The following PDZD2 variants were observed in gnomAD, a reference collection of about 807,000 sequenced individuals.
PDZD2 encodes PDZ domain-containing protein 2.
Under a neutral mutation model 220.7 loss-of-function variants are expected in PDZD2, and 90 were observed. The ratio of observed to expected loss-of-function variants is 0.41; its 90% CI spans 0.34 to 0.49. The LOEUF (loss-of-function observed/expected upper bound fraction) is 0.49, where lower values mean the gene tolerates loss of function less well. Ranked by LOEUF, PDZD2 falls within the 20% of genes least tolerant of loss-of-function variation. The pLI is 0.28. For synonymous variants in PDZD2, 1,375 were observed against 1,450.5 expected, an observed-to-expected ratio of 0.95 and a Z score of 1.18; for missense variants, 3,174 against 3,608.5, an observed-to-expected ratio of 0.88 and a Z score of 3.08.
intron 14 of PDZD2, among the ~76,000 whole-genome samples, chr5:32,063,037 T>TATTATC (rs1263594391): frequency 1.3e-5 from 2 of 148,258 alleles, no homozygotes; most frequent in Non-Finnish European, 3.0e-5. Context: ...ATATTATTAT[T>TATTATC]ATTATTATTA....
At chr5:31,996,264 A>C (rs563167551) in intron 4 of PDZD2, among the ~76,000 whole-genome samples, 1 of 152,282 alleles carries the variant, frequency 6.6e-6, no homozygotes, top group Admixed American at 6.5e-5. Flanking sequence ...TTGCGATCTG[A>C]AAACAATTCA....
intron 2 of PDZD2, among the ~76,000 whole-genome samples, chr5:31,854,249 C>T (rs1353754992): frequency 6.6e-6 from 1 of 152,222 alleles, no homozygotes; most frequent in African/African-American, 2.4e-5. Context: ...GTCGGGCTTC[C>T]TCATCAGTTT....
At chr5:31,881,352 G>GTGTGTGTGTGTGTGTA (rs1739892715) in intron 2 of PDZD2, among the ~76,000 whole-genome samples, 1 of 139,568 alleles carries the variant, frequency 7.2e-6, no homozygotes, top group Non-Finnish European at 1.5e-5. Flanking sequence ...GTGTGTGTGT[G>GTGTGTGTGTGTGTGTA]TGTGTGTGTG....
In PDZD2 at chr5:32,090,569, C is replaced by T; in HGVS notation, c.7121C>T (p.Ser2374Phe). 4 of 1,613,986 alleles carry T rather than the reference C, an allele frequency of 2.5e-6. No individual in the cohort carries two copies. The highest frequency in any genetic ancestry group is 3.4e-6 in the Non-Finnish European group (4 of 1,179,986). ...AAGCCTCCCATTGGGAGGCGGTCTT[C>T]CGGCAGCATTGTTTCCGGGAGCCTG... is the stretch of plus-strand genomic sequence containing the variant. ...SSKPPIGRRS[S>F]GSIVSGSLGH... The change falls in exon 20 of 25, where the codon TCC becomes TTC. Residue 2374 changes from serine to phenylalanine, a missense_variant. Ser to Phe is a radical substitution (Grantham distance 155). This residue lies in a region of PDZD2 where 631 missense variants were observed against 789.9 expected (regional missense o/e 0.80). Coordinates refer to ENST00000438447, the MANE Select transcript of PDZD2 (RefSeq NM_178140.4). The surrounding 1 kb of genome is among the most constrained non-coding windows in gnomAD (Gnocchi z 4.3).
chr5:32,079,825 A>G (rs1302623001), intron 19 of PDZD2, among the ~76,000 whole-genome samples: 3 of 152,024 alleles, frequency 2.0e-5, no homozygotes, highest in Admixed American at 1.3e-4. Flanking sequence ...AAAAAAAAGA[A>G]AAAAGTGAAA....
At chr5:31,983,893 A>G (rs1750506818) in intron 3 of PDZD2, among the ~76,000 whole-genome samples, 1 of 152,236 alleles carries the variant, frequency 6.6e-6, no homozygotes, top group South Asian at 2.1e-4. Context: ...AGCTCCAGTC[A>G]TTTTATCCTA....
intron 1 of PDZD2, among the ~76,000 whole-genome samples, chr5:31,763,645 A>G (rs1751791462): frequency 6.6e-6 from 1 of 151,930 alleles, no homozygotes; most frequent in South Asian, 2.1e-4. Context: ...GTAGCCCCAG[A>G]CCCTCTTTCC....
rs1177573434 is a variant in PDZD2, at chr5:31,684,243, A to G, written c.-361+44806A>G. Among the ~76,000 whole-genome samples the G allele has an allele frequency of 8.7e-4, 133 of 152,212 alleles. 1 individual carries two copies. The highest frequency in any genetic ancestry group is 2.9e-5 in the Non-Finnish European group (2 of 68,046). On this transcript the variant is annotated intron_variant, in intron 1 of 24. Transcript: ENST00000438447. ...GTCTCAAGTGATGGATGGATATGAC[A>G]GTAGAGTCCTTGATTTACTGTCCCA...
At chr5:32,055,768 C>A (rs1029448432) in intron 10 of PDZD2, among the ~76,000 whole-genome samples, 3 of 152,142 alleles carry the variant, frequency 2.0e-5, no homozygotes, top group African/African-American at 7.2e-5. Context: ...CATGACCAGG[C>A]TTCATTCTCC....
At chr5:31,834,504 G>T (rs1756825570) in intron 2 of PDZD2, among the ~76,000 whole-genome samples, 2 of 152,288 alleles carry the variant, frequency 1.3e-5, no homozygotes, top group East Asian at 1.9e-4. Flanking sequence ...AGAAGATAGA[G>T]AAAAGGATCT....
chr5:31,892,791 G>T (rs895315176), intron 2 of PDZD2, among the ~76,000 whole-genome samples: 1 of 134,986 alleles, frequency 7.4e-6, no homozygotes, highest in East Asian at 2.5e-4. Context: ...GGCTGGTTTT[G>T]AACTTCTGGG....
At chr5:31,655,922 A>G (rs779941026) in intron 1 of PDZD2, among the ~76,000 whole-genome samples, 2 of 152,204 alleles carry the variant, frequency 1.3e-5, no homozygotes, top group Non-Finnish European at 2.9e-5. Context: ...ATTGCAGTGG[A>G]TGGTAGAAAG....
chr5:31,695,252 C>T (rs1464446785), intron 1 of PDZD2, among the ~76,000 whole-genome samples: 1 of 152,198 alleles, frequency 6.6e-6, no homozygotes, highest in Non-Finnish European at 1.5e-5. Flanking sequence ...TTGGTCTGCC[C>T]GTTCCTGGGT....
intron 2 of PDZD2, among the ~76,000 whole-genome samples, chr5:31,929,977 G>A (rs984196244): frequency 1.3e-5 from 2 of 150,846 alleles, no homozygotes; most frequent in Non-Finnish European, 1.5e-5. Context: ...TTAATGCGAG[G>A]TCAGGTTGTG....
At chr5:31,644,729 C>CA (rs1745072773) in intron 1 of PDZD2, among the ~76,000 whole-genome samples, 2 of 150,970 alleles carry the variant, frequency 1.3e-5, no homozygotes, top group African/African-American at 2.4e-5. Flanking sequence ...TACCAGAATG[C>CA]GTTCTGAGTG....
chr5:31,855,464 G>T (rs1301933806), intron 2 of PDZD2, among the ~76,000 whole-genome samples: 1 of 152,240 alleles, frequency 6.6e-6, no homozygotes, highest in Non-Finnish European at 1.5e-5. Context: ...GACGGGCAGG[G>T]AAGGGGTGCC....
chr5:31,943,806 C>A (rs2111556940), intron 2 of PDZD2, among the ~76,000 whole-genome samples: 1 of 152,294 alleles, frequency 6.6e-6, no homozygotes, highest in Middle Eastern at 3.4e-3. Flanking sequence ...CTATCTTAAC[C>A]TGGATTCTAT....
intron 1 of PDZD2, among the ~76,000 whole-genome samples, chr5:31,665,651 C>CCCCT (rs1554060786): frequency 1.7e-3 from 241 of 144,148 alleles, no homozygotes; most frequent in African/African-American, 6.0e-3. Flanking sequence ...CCCTCCCCCC[C>CCCCT]CTCCCTTTCC....
chr5:31,986,841 A>C (rs555830686), intron 3 of PDZD2, among the ~76,000 whole-genome samples: 16 of 152,330 alleles, frequency 1.1e-4, no homozygotes, highest in African/African-American at 3.6e-4. Flanking sequence ...ACTTGTTCTA[A>C]GACAATGTTA....
Sources: allele counts gnomAD v4.1 joint callset (sites outside exome capture counted in the v4.1 genomes callset), GRCh38; gene constraint gnomAD v4.1.1; regional missense constraint gnomAD v4.1.1; non-coding constraint Gnocchi (gnomAD v3.1); transcripts MANE v1.5; gene names NCBI Gene and HGNC (gene_info 2026-07-23, HGNC 2026-07-21).